Variants in GAS2L1 observed in about 807,000 individuals in gnomAD.
GAS2L1 encodes GAS2-like protein 1.
A neutral mutation model predicts 44.0 loss-of-function variants in GAS2L1; 26 were observed. The observed-to-expected ratio is 0.59, with a 90% confidence interval of 0.43 to 0.82. The LOEUF is 0.82. GAS2L1 is among the 40% of genes least tolerant of loss of function. The pLI, the probability that GAS2L1 is intolerant of heterozygous loss-of-function variation, is 0.00. For synonymous variants in GAS2L1, 426 were observed against 415.9 expected, an observed-to-expected ratio of 1.02 and a Z score of -0.30; for missense variants, 1,006 against 983.0, an observed-to-expected ratio of 1.02 and a Z score of -0.31.
chr22:29,308,282 C>T (rs1372188915), exon 1 of GAS2L1: 6 of 1,608,110 alleles, frequency 3.7e-6, no homozygotes, highest in Non-Finnish European at 5.1e-6. Flanking sequence ...TGGCCACGGG[C>T]ACGACCCTGT....
chr22:29,311,596 G>C, exon 5 of GAS2L1: 1 of 1,539,860 alleles, frequency 6.5e-7, no homozygotes, highest in African/African-American at 1.4e-5. Flanking sequence ...CGGAGGGAGC[G>C]ACCCAGCCGG....
In GAS2L1 at chr22:29,308,683, C is replaced by T. The variant is rs756025463; in HGVS notation, c.578C>T (p.Thr193Ile). 4.6e-6 allele frequency: 7 copies of T among 1,509,680 alleles called. No homozygotes were observed. In the African/African-American group the frequency reaches 8.3e-5, roughly 18 times the overall value. 93.5% of individuals were successfully genotyped at this position (1,509,680 alleles called of 1,614,324 possible). The change falls in exon 1 of 5, where the codon ACT becomes ATT. Residue 193 changes from threonine to isoleucine, a missense_variant. Coordinates refer to ENST00000618518, the Ensembl canonical transcript of GAS2L1. ...ACTGAAACCGCCCCCGCACCAGGGACTCCTGCCCGCGGCCCCCGCATGACA... is the reference window on the plus strand; with the variant it reads ...ACTGAAACCGCCCCCGCACCAGGGATTCCTGCCCGCGGCCCCCGCATGACA...
rs142239667 is a variant in GAS2L1, at chr22:29,308,964, G to A, written c.633+226G>A. The stretch of plus-strand genomic sequence containing the variant: ...AGATGACGCAGCCCAGCCGGGCCTG[G>A]GACAGGATGCGGGCTCCTGGCACGA... On this transcript the variant is annotated intron_variant, in intron 1 of 4. Transcript: ENST00000618518. 2.4e-3 allele frequency among the ~76,000 whole-genome samples: 365 copies of A among 152,378 alleles called. 2 individuals are homozygous for A. The South Asian group carries it at 0.03, about 12-fold the overall frequency.
At chr22:29,311,966 A>G in exon 5 of GAS2L1, 1 of 1,608,556 alleles carries the variant, frequency 6.2e-7, no homozygotes, top group Non-Finnish European at 8.5e-7. Flanking sequence ...TCTTCCGCAC[A>G]CCCCTGCAGC....
chr22:29,309,541 CTGCT>C (rs1245695043), intron 1 of GAS2L1, among the ~76,000 whole-genome samples: 2 of 152,250 alleles, frequency 1.3e-5, no homozygotes. Context: ...AAGGCCCCAC[CTGCT>C]TATTTCCTCT....
At position 29,308,750 on chromosome 22, in the gene GAS2L1, A is replaced by G; in HGVS notation, c.633+12A>G. ...ACCTCGACGAGCTGGTGAGTCCCCC[A>G]GCACCAGGTGCCAGGGACCCGACAG... On this transcript the variant is annotated intron_variant, in intron 1 of 4. Transcript: ENST00000618518. The G allele has an allele frequency of 6.7e-7, 1 of 1,482,142 alleles. No homozygotes were observed. Among genetic ancestry groups the G allele is most frequent in the East Asian group, 2.4e-5 (1 of 42,522 alleles). 91.8% of individuals were successfully genotyped at this position (1,482,142 alleles called of 1,614,324 possible).
exon 1 of GAS2L1, chr22:29,308,375 C>G (rs1211839826): frequency 6.2e-7 from 1 of 1,606,378 alleles, no homozygotes. Context: ...TCCAGGCGCA[C>G]AGTGTAGTGC....
exon 1 of GAS2L1, chr22:29,308,437 G>T: frequency 6.2e-7 from 1 of 1,605,038 alleles, no homozygotes; most frequent in Non-Finnish European, 8.5e-7. Context: ...GGCTGGTGCC[G>T]CGTGGAGCTG....
In GAS2L1 at chr22:29,308,739, G is replaced by A. The variant is rs1318229309; in HGVS notation, c.633+1G>A. ...CGACCTGCGCAACCTCGACGAGCTG[G>A]TGAGTCCCCCAGCACCAGGTGCCAG... On this transcript the variant is annotated splice_donor_variant, in intron 1 of 4. Transcript: ENST00000618518. LOFTEE classifies it high-confidence loss of function. 1 of 1,487,778 alleles carries A rather than the reference G, an allele frequency of 6.7e-7. No homozygotes were observed. Among genetic ancestry groups the A allele is most frequent in the South Asian group, 1.4e-5 (1 of 73,078 alleles). The allele number at this position is 1,487,778 out of a possible 1,614,324, so 92.2% of individuals were successfully genotyped here.
At position 29,311,478 on chromosome 22, in the gene GAS2L1, C is replaced by T. The variant is rs1321043048; in HGVS notation, c.1027C>T (p.Pro343Ser). Residue 343 changes from proline (P) to serine (S), a missense_variant, in exon 5 of 5, where the codon CCC becomes TCC. Coordinates refer to ENST00000618518, the Ensembl canonical transcript of GAS2L1. ...CTGCCCCAGGCCCCGGGATCAGCTG[C>T]CCCCCCATCCCCGCTCCCGCCGCTA... The T allele has an allele frequency of 6.4e-6, 9 of 1,410,576 alleles. No individual in the cohort carries two copies. In the African/African-American group the frequency reaches 8.7e-5, roughly 14 times the overall value. The allele number at this position is 1,410,576 out of a possible 1,614,324, so 87.4% of individuals were successfully genotyped here. A position where few individuals can be genotyped will look rare whatever the true frequency, so the allele number is the denominator to read the frequency against.
intron 1 of GAS2L1, among the ~76,000 whole-genome samples, chr22:29,308,942 T>TGACGCAGCCCAGCCG (rs1407966110): frequency 2.6e-5 from 4 of 152,130 alleles, no homozygotes; most frequent in African/African-American, 9.7e-5. Flanking sequence ...GCCGGGGAGA[T>TGACGCAGCCCAGCCG]GACGCAGCCC....
exon 5 of GAS2L1, chr22:29,312,598 A>T: frequency 1.3e-6 from 1 of 797,730 alleles, no homozygotes; most frequent in Non-Finnish European, 1.9e-6. Context: ...TGAGTACCAG[A>T]CCTCATGGGA....
intron 1 of GAS2L1, chr22:29,310,206 C>T: frequency 4.1e-6 from 1 of 246,696 alleles, no homozygotes; most frequent in Non-Finnish European, 7.6e-6. Flanking sequence ...CGTGCTATTG[C>T]ACTCCAGCCT....
At chr22:29,311,079 G>A in intron 4 of GAS2L1, 81 bp downstream of exon 5, 1 of 1,344,704 alleles carries the variant, frequency 7.4e-7, no homozygotes, top group Non-Finnish European at 1.0e-6. Context: ...GGTTGCCTGT[G>A]CGCCAGAGTG....
At chr22:29,307,044 G>C (rs985708442), upstream of GAS2L1, 5 of 151,880 alleles carry the variant, frequency 3.3e-5, no homozygotes, top group Admixed American at 3.3e-4. Context: ...GGAGGAGGCC[G>C]CGGCGCGGGA....
exon 1 of GAS2L1, chr22:29,308,185 A>G: frequency 6.2e-7 from 1 of 1,606,470 alleles, no homozygotes; most frequent in Non-Finnish European, 8.5e-7. Context: ...GCCTACGTGG[A>G]GGCCATGAAG....
chr22:29,308,846 C>T, intron 1 of GAS2L1, 108 bp downstream of exon 2: 1 of 882,572 alleles, frequency 1.1e-6, no homozygotes, highest in Admixed American at 3.4e-5. Flanking sequence ...ACAGTCTGCC[C>T]CACAAAAAGA....
chr22:29,310,582 A>C, intron 2 of GAS2L1, 36 bp downstream of exon 3: 1 of 1,580,834 alleles, frequency 6.3e-7, no homozygotes, highest in Non-Finnish European at 8.7e-7. Context: ...GGCAGCAGCC[A>C]AGGTGGTGGG....
rs1456349837 is a variant in GAS2L1, at chr22:29,312,045, CT to C, written c.1596del (p.Glu533ArgfsTer6). On this transcript the variant is annotated frameshift_variant, in exon 5 of 5. Coordinates refer to ENST00000618518, the Ensembl canonical transcript of GAS2L1. LOFTEE classifies it high-confidence loss of function. Reference sequence around the variant, plus strand: ...GGAGTTCCTGGCCAATGCCCGGGCCCTTGAGGCTGTTGCTAGCGTGACCCCC... The same window carrying C: ...GGAGTTCCTGGCCAATGCCCGGGCCCTGAGGCTGTTGCTAGCGTGACCCCC... 6.2e-7 allele frequency: 1 copy of C among 1,612,474 alleles called. No homozygotes were observed. The highest frequency in any genetic ancestry group is 1.3e-5 in the African/African-American group (1 of 74,944).
Sources: gnomAD v4.1 joint callset for allele counts (sites outside exome capture counted in the v4.1 genomes callset) on GRCh38, gnomAD v4.1.1 for gene constraint, MANE v1.5 for transcripts, NCBI Gene and HGNC (gene_info 2026-07-23, HGNC 2026-07-21) for gene names.